Variants in PROS1 observed in about 807,000 individuals in gnomAD.
The protein encoded by PROS1 is vitamin K-dependent protein S.
A neutral mutation model predicts 75.9 loss-of-function variants in PROS1; 29 were observed. The ratio of observed to expected loss-of-function variants is 0.38; its 90% confidence interval spans 0.28 to 0.52. PROS1 has a LOEUF of 0.52. Ranked by LOEUF, PROS1 falls within the 20% of genes least tolerant of loss-of-function variation. The pLI is 0.83. For missense variants in PROS1, 680 were observed against 810.3 expected, an observed-to-expected ratio of 0.84 and a Z score of 1.95; for synonymous variants, 245 against 280.6, an observed-to-expected ratio of 0.87 and a Z score of 1.27.
chr3:93,926,704 T>G (rs990335939), intron 2 of PROS1, among the ~76,000 whole-genome samples: 1 of 152,252 alleles, frequency 6.6e-6, no homozygotes, highest in African/African-American at 2.4e-5. Flanking sequence ...CAAACTAGCA[T>G]GCATGCGTGC....
At chr3:93,944,943 G>A (rs1317707113) in intron 1 of PROS1, among the ~76,000 whole-genome samples, 1 of 151,964 alleles carries the variant, frequency 6.6e-6, no homozygotes, top group Non-Finnish European at 1.5e-5. Flanking sequence ...GAAGAAAAGA[G>A]AGAAGAATCA....
At chr3:93,967,915 A>T (rs1476510081) in intron 1 of PROS1, 1 of 152,180 alleles carries the variant, frequency 6.6e-6, no homozygotes, top group Non-Finnish European at 1.5e-5. Context: ...ATAAATAAAT[A>T]AAAGATTGTA....
chr3:93,930,456 A>T (rs1362932510), intron 1 of PROS1, among the ~76,000 whole-genome samples: 1 of 152,232 alleles, frequency 6.6e-6, no homozygotes, highest in Non-Finnish European at 1.5e-5. Context: ...CACTGATTCA[A>T]TTTTAAAAAT....
At chr3:93,927,911 GTGTATATATATA>G (rs2107204223) in intron 1 of PROS1, among the ~76,000 whole-genome samples, 1 of 135,738 alleles carries the variant, frequency 7.4e-6, no homozygotes, top group African/African-American at 2.7e-5. Flanking sequence ...GTGTGTGTGT[GTGTATATATATA>G]TGTGTATATA....
intron 3 of PROS1, 86 bp from the exon 4 acceptor site, chr3:93,910,791 G>A: frequency 9.5e-7 from 1 of 1,049,814 alleles, no homozygotes; most frequent in Non-Finnish European, 1.5e-6. Flanking sequence ...CAAGAGGTAG[G>A]ACATTTATGC....
intron 1 of PROS1, among the ~76,000 whole-genome samples, chr3:93,927,762 G>A (rs1709041777): frequency 6.6e-6 from 1 of 150,404 alleles, no homozygotes. Context: ...AGCACTTTGG[G>A]AGGCTGATGT....
chr3:93,890,755 T>C (rs914730826), intron 10 of PROS1, among the ~76,000 whole-genome samples: 1 of 152,206 alleles, frequency 6.6e-6, no homozygotes, highest in Non-Finnish European at 1.5e-5. Flanking sequence ...AATGAGTGCA[T>C]GTCTGCATAA....
intron 2 of PROS1, among the ~76,000 whole-genome samples, chr3:93,926,936 C>T (rs1709027062): frequency 6.6e-6 from 1 of 151,298 alleles, no homozygotes; most frequent in African/African-American, 2.4e-5. Context: ...CTTCCTCTCC[C>T]CTCCCCCTAA....
At chr3:93,957,388 A>C (rs1011578170) in intron 1 of PROS1, among the ~76,000 whole-genome samples, 2 of 152,188 alleles carry the variant, frequency 1.3e-5, no homozygotes, top group Admixed American at 1.3e-4. Context: ...CTGTATTTTC[A>C]AATTAGATTG....
intron 3 of PROS1, among the ~76,000 whole-genome samples, chr3:93,921,853 T>C (rs1708946722): frequency 6.6e-6 from 1 of 152,248 alleles, no homozygotes; most frequent in South Asian, 2.1e-4. Context: ...TGTGCTTTTG[T>C]TAATGCTCAC....
chr3:93,881,574 T>G (rs1708276585), intron 12 of PROS1, among the ~76,000 whole-genome samples: 1 of 150,684 alleles, frequency 6.6e-6, no homozygotes, highest in Admixed American at 6.6e-5. Flanking sequence ...TTTTTTTTTT[T>G]TGTGAGACAT....
At position 93,970,117 on chromosome 3, in the gene PROS1, GC is replaced by G. The variant is rs1330160094; in HGVS notation, c.76+3556del. ...GTAAAGATAATTTAAGAAAAGATAA[GC>G]CTTCATAACTAGTAAAAGGAATAGT... On this transcript the variant is annotated intron_variant, in intron 1 of 14. Transcript: ENST00000394236. 9.2e-4 allele frequency among the ~76,000 whole-genome samples: 140 copies of G among 152,186 alleles called. 2 individuals are homozygous for G. Among genetic ancestry groups the G allele is most frequent in the Admixed American group, 9.2e-3 (140 of 15,274 alleles).
chr3:93,923,893 C>T (rs1430321885), intron 3 of PROS1, among the ~76,000 whole-genome samples: 1 of 148,578 alleles, frequency 6.7e-6, no homozygotes, highest in Non-Finnish European at 1.5e-5. Context: ...CACAGCAAGG[C>T]GCTGCCTCAC....
In PROS1 at chr3:93,961,352, C is replaced by G. The variant is rs537183230; in HGVS notation, c.76+12322G>C. Among the ~76,000 whole-genome samples the G allele has an allele frequency of 3.2e-4, 49 of 152,310 alleles. 1 individual carries two copies. The highest frequency in any genetic ancestry group is 1.2e-3 in the African/African-American group (49 of 41,584). On this transcript the variant is annotated intron_variant, in intron 1 of 14. Coordinates refer to ENST00000394236, the MANE Select transcript of PROS1 (RefSeq NM_000313.4). ...AACAGTGATAGGAGACAAAAAGCAG[C>G]AGCTGATGCTTTTAAAATTGATTTT...
chr3:93,895,229 G>A (rs890658184), intron 9 of PROS1, among the ~76,000 whole-genome samples: 10 of 152,114 alleles, frequency 6.6e-5, no homozygotes, highest in African/African-American at 2.4e-4. Flanking sequence ...TCTACCCGAG[G>A]TTGGTTAAAT....
At chr3:93,898,348 A>C in intron 8 of PROS1, 100 bp downstream of exon 8, 2 of 1,366,354 alleles carry the variant, frequency 1.5e-6, no homozygotes, top group African/African-American at 1.4e-5. Flanking sequence ...CAATTATTGC[A>C]GAACGTCTGT....
chr3:93,941,786 GC>G (rs1284024066), intron 1 of PROS1, among the ~76,000 whole-genome samples: 1 of 152,158 alleles, frequency 6.6e-6, no homozygotes, highest in Non-Finnish European at 1.5e-5. Context: ...AGCTGCTACT[GC>G]CATAACACTT....
At chr3:93,911,013 CTA>C (rs1473766404) in intron 3 of PROS1, 3 of 325,458 alleles carry the variant, frequency 9.2e-6, no homozygotes, top group Non-Finnish European at 1.7e-5. Context: ...TCATATAAGT[CTA>C]TGTTTTTAAT....
chr3:93,878,700 T>C (rs1050261731), intron 13 of PROS1, among the ~76,000 whole-genome samples: 2 of 152,224 alleles, frequency 1.3e-5, no homozygotes, highest in Non-Finnish European at 2.9e-5. Context: ...TTTCCTAACT[T>C]ACTCTTGGGA....
Sources: allele counts gnomAD v4.1 joint callset (sites outside exome capture counted in the v4.1 genomes callset), GRCh38; gene constraint gnomAD v4.1.1; transcripts MANE v1.5; gene names NCBI Gene and HGNC (gene_info 2026-07-23, HGNC 2026-07-21).